ZNF652: variants seen among roughly 807,000 people sequenced by gnomAD.
ZNF652 encodes zinc finger protein 652.
ZNF652 carries 16 observed loss-of-function variants against 45.2 expected under a neutral mutation model. That is an observed-to-expected ratio of 0.35 (90% CI 0.24 to 0.54). The LOEUF (loss-of-function observed/expected upper bound fraction) is 0.54. Ranked by LOEUF, ZNF652 falls within the 20% of genes least tolerant of loss-of-function variation. The probability of loss-of-function intolerance (pLI) is 0.91; values close to 1 mark genes in which losing one functional copy is unlikely to be tolerated. For missense variants in ZNF652, 614 were observed against 765.6 expected (o/e 0.80, Z 2.34); for synonymous variants, 250 against 260.6 (o/e 0.96, Z 0.39).
chr17:49,354,345 C>T (rs557727959), intron 1 of ZNF652, among the ~76,000 whole-genome samples: 2 of 152,158 alleles, frequency 1.3e-5, no homozygotes, highest in South Asian at 4.1e-4. Context: ...GAAAATTATA[C>T]TGCTAAGTCT....
chr17:49,350,494 G>A (rs1448604226), intron 1 of ZNF652, among the ~76,000 whole-genome samples: 2 of 149,030 alleles, frequency 1.3e-5, no homozygotes, highest in African/African-American at 5.0e-5. Flanking sequence ...AGCCGAGATC[G>A]CGCCACTGCA....
At chr17:49,320,305 G>C (rs756322201) in intron 1 of ZNF652, among the ~76,000 whole-genome samples, 44 of 151,992 alleles carry the variant, frequency 2.9e-4, no homozygotes, top group Non-Finnish European at 5.1e-4. Flanking sequence ...TGCTTTCATG[G>C]AATTTCAGGA....
Position 49,292,396 on chromosome 17 carries a change from A to G in ZNF652, c.*6017T>C, listed in dbSNP as rs578235088. ...ACCTCCTTTTCATTACATCCTTCATATATTATGGATCCATCATACATTTTA... is the reference window on the plus strand; with the variant it reads ...ACCTCCTTTTCATTACATCCTTCATGTATTATGGATCCATCATACATTTTA... On this transcript the variant is annotated 3_prime_UTR_variant, in exon 6 of 6. Coordinates refer to ENST00000430262, the MANE Select transcript of ZNF652 (RefSeq NM_001145365.3). Among the ~76,000 whole-genome samples the G allele has an allele frequency of 1.1e-4, 17 of 152,344 alleles. No individual in the cohort carries two copies. Among genetic ancestry groups the G allele is most frequent in the South Asian group, 2.1e-4 (1 of 4,830 alleles).
At chr17:49,307,670 T>C (rs1815272415) in intron 5 of ZNF652, among the ~76,000 whole-genome samples, 1 of 151,598 alleles carries the variant, frequency 6.6e-6, no homozygotes, top group East Asian at 1.9e-4. Context: ...GAGAATCGCT[T>C]GAACATGGGA....
intron 1 of ZNF652, among the ~76,000 whole-genome samples, chr17:49,353,164 A>G (rs2070300399): frequency 6.6e-6 from 1 of 152,226 alleles, no homozygotes; most frequent in African/African-American, 2.4e-5. Context: ...TCTAAAAGCC[A>G]GAAGTACCTA....
chr17:49,298,461 G>A lies in ZNF652; in HGVS notation c.1773C>T (p.Asn591=). 1 of 1,613,080 alleles carries A rather than the reference G, an allele frequency of 6.2e-7. No individual in the cohort carries two copies. Among genetic ancestry groups the A allele is most frequent in the Non-Finnish European group, 8.5e-7 (1 of 1,180,026 alleles). The change falls in exon 6 of 6, where the codon AAC becomes AAT. Residue 591 remains asparagine, a synonymous_variant. Coordinates refer to ENST00000430262, the MANE Select transcript of ZNF652 (RefSeq NM_001145365.3). The part of the protein sequence containing the change: ...PLNHRGQSED[N]FLRHLAEKNS... ...TCTTCTCTGCCAGGTGCCGCAGAAA[G>A]TTGTCCTCACTCTGGCCTCTATGAT...
rs2069450184 is a variant in ZNF652 at position 49,294,825 on chromosome 17, C to T, written c.*3588G>A. On this transcript the variant is annotated 3_prime_UTR_variant, in exon 6 of 6. Transcript: ENST00000430262. ...TAAATGCAGCCTTTGTTGTCTTTAA[C>T]AGACATGTACAGATAAGGGCTGAGA... is the stretch of plus-strand genomic sequence containing the variant. 6.6e-6 allele frequency: 1 copy of T among 152,166 alleles called. No homozygotes were observed. Among genetic ancestry groups the T allele is most frequent in the Non-Finnish European group, 1.5e-5 (1 of 68,024 alleles). The allele number at this position is 152,166 out of a possible 1,614,324, so 9.4% of individuals were successfully genotyped here.
chr17:49,314,193 ACT>A (rs1052766518), intron 2 of ZNF652, among the ~76,000 whole-genome samples: 5 of 151,092 alleles, frequency 3.3e-5, no homozygotes, highest in African/African-American at 1.2e-4. Flanking sequence ...ATGGAGTCTC[ACT>A]CTGTCGCCCA....
chr17:49,356,429 CAAAAAAAAA>C (rs35374808), intron 1 of ZNF652, among the ~76,000 whole-genome samples: 1 of 42,338 alleles, frequency 2.4e-5, no homozygotes, highest in Non-Finnish European at 3.9e-5. Context: ...ACTCTGTCTG[CAAAAAAAAA>C]AAAAAAAAAA....
chr17:49,334,096 A>G (rs1476662181), intron 1 of ZNF652, among the ~76,000 whole-genome samples: 1 of 152,256 alleles, frequency 6.6e-6, no homozygotes, highest in Non-Finnish European at 1.5e-5. Flanking sequence ...AGCATTATTT[A>G]TAATAGCCAA....
In ZNF652 at chr17:49,294,221, C is replaced by T. The variant is rs369458437; in HGVS notation, c.*4192G>A. ...GCATCTCATCAGAGCATTTTGCTTT[C>T]GGTTAGTATATGAGGGACAATCAAA... On this transcript the variant is annotated 3_prime_UTR_variant, in exon 6 of 6. Transcript: ENST00000430262. Among the ~76,000 whole-genome samples, 3 of 152,086 alleles carry T rather than the reference C, an allele frequency of 2.0e-5. No individual in the cohort carries two copies. Among genetic ancestry groups the T allele is most frequent in the East Asian group, 1.9e-4 (1 of 5,206 alleles).
intron 1 of ZNF652, among the ~76,000 whole-genome samples, chr17:49,356,887 A>G (rs573873935): frequency 1.3e-5 from 2 of 152,300 alleles, no homozygotes; most frequent in South Asian, 4.1e-4. Flanking sequence ...ATTTAATTCT[A>G]TAGTAACCTA....
At chr17:49,304,102 G>A (rs1159266030) in intron 5 of ZNF652, among the ~76,000 whole-genome samples, 1 of 130,118 alleles carries the variant, frequency 7.7e-6, no homozygotes, top group African/African-American at 2.9e-5. Flanking sequence ...GGGTTTCACT[G>A]TATTAGCCAG....
intron 1 of ZNF652, among the ~76,000 whole-genome samples, chr17:49,318,401 C>T (rs575428119): frequency 1.3e-5 from 2 of 152,220 alleles, no homozygotes; most frequent in East Asian, 1.9e-4. Flanking sequence ...TTTACATATA[C>T]AATGCTTTTA....
At chr17:49,337,064 T>C (rs2070093169) in intron 1 of ZNF652, among the ~76,000 whole-genome samples, 1 of 149,312 alleles carries the variant, frequency 6.7e-6, no homozygotes, top group African/African-American at 2.5e-5. Flanking sequence ...TGATCAGGCA[T>C]GGTGGCTCAT....
chr17:49,326,911 C>G (rs957465597), intron 1 of ZNF652, among the ~76,000 whole-genome samples: 4 of 152,118 alleles, frequency 2.6e-5, no homozygotes, highest in Non-Finnish European at 4.4e-5. Flanking sequence ...TGCCACCAAG[C>G]ATCACACTGT....
Position 49,357,995 on chromosome 17 carries a change from T to C in ZNF652, c.-259+3914A>G, listed in dbSNP as rs998291023. Among the ~76,000 whole-genome samples the C allele has an allele frequency of 7.1e-4, 108 of 152,370 alleles. 1 individual carries two copies. Among genetic ancestry groups the C allele is most frequent in the African/African-American group, 2.5e-3 (102 of 41,586 alleles). On this transcript the variant is annotated intron_variant, in intron 1 of 5. Transcript: ENST00000430262. ...AGTGCCAGACTTCTAAATCTTGTCATAAGACAAAATGATCTGTAGTTTTAC... is the reference window on the plus strand; with the variant it reads ...AGTGCCAGACTTCTAAATCTTGTCACAAGACAAAATGATCTGTAGTTTTAC...
At chr17:49,307,022 A>C (rs566905541) in intron 5 of ZNF652, among the ~76,000 whole-genome samples, 2 of 152,006 alleles carry the variant, frequency 1.3e-5, no homozygotes, top group African/African-American at 2.4e-5. Flanking sequence ...CGAAGTGCTG[A>C]GATTACAGGT....
At chr17:49,306,586 C>T (rs1245818071) in intron 5 of ZNF652, among the ~76,000 whole-genome samples, 1 of 152,040 alleles carries the variant, frequency 6.6e-6, no homozygotes, top group Non-Finnish European at 1.5e-5. Context: ...TGCACCTGGT[C>T]GCAAATAAGT....
Sources: allele counts gnomAD v4.1 joint callset (sites outside exome capture counted in the v4.1 genomes callset), GRCh38; gene constraint gnomAD v4.1.1; transcripts MANE v1.5; gene names NCBI Gene and HGNC (gene_info 2026-07-23, HGNC 2026-07-21).